CFAP54: variants seen among roughly 807,000 people sequenced by gnomAD.
CFAP54 encodes cilia- and flagella-associated protein 54.
Under a neutral mutation model 370.4 loss-of-function variants are expected in CFAP54, and 290 were observed. That is an observed-to-expected ratio of 0.78 (90% CI 0.71 to 0.86). The LOEUF is 0.86. Ranked by LOEUF, CFAP54 falls within the 40% of genes least tolerant of loss-of-function variation. The pLI, the probability that CFAP54 is intolerant of heterozygous loss-of-function variation, is 0.00. For missense variants in CFAP54, 3,399 were observed against 3,528.7 expected, an observed-to-expected ratio of 0.96 and a Z score of 0.93; for synonymous variants, 1,206 against 1,236.5, an observed-to-expected ratio of 0.98 and a Z score of 0.52.
At chr12:96,865,381 A>G (rs535774686) in intron 67 of CFAP54, among the ~76,000 whole-genome samples, 2 of 152,348 alleles carry the variant, frequency 1.3e-5, no homozygotes, top group African/African-American at 4.8e-5. Flanking sequence ...TGCAGGATAT[A>G]TGTAAGAAGA....
At chr12:96,849,784 C>G (rs1009171429) in intron 66 of CFAP54, among the ~76,000 whole-genome samples, 3 of 152,122 alleles carry the variant, frequency 2.0e-5, no homozygotes, top group African/African-American at 7.2e-5. Flanking sequence ...CTTCTTCTTA[C>G]TATTTCAGAC....
In CFAP54 at chr12:96,538,524, C is replaced by T. The variant is rs772051387; in HGVS notation, c.1926+6C>T. 1.6e-4 allele frequency: 242 copies of T among 1,534,116 alleles called. No individual in the cohort carries two copies. Among genetic ancestry groups the T allele is most frequent in the Non-Finnish European group, 2.0e-4 (234 of 1,145,664 alleles). Reference sequence around the variant, plus strand: ...AGAAAATCAGTACTAACAAAGTATTCCTTTCGCATTCCCTTTCACGTGTTT... The same window carrying T: ...AGAAAATCAGTACTAACAAAGTATTTCTTTCGCATTCCCTTTCACGTGTTT... On this transcript the variant is annotated splice_donor_region_variant and intron_variant, in intron 13 of 67. Coordinates refer to ENST00000524981, the MANE Select transcript of CFAP54 (RefSeq NM_001306084.2).
At chr12:96,780,341 T>A (rs763839129) in intron 60 of CFAP54, among the ~76,000 whole-genome samples, 41 of 152,198 alleles carry the variant, frequency 2.7e-4, no homozygotes, top group Non-Finnish European at 5.6e-4. Flanking sequence ...CAGAATCTAT[T>A]TTTGTGTATA....
chr12:96,676,123 T>C lies in CFAP54; in HGVS notation c.5564-3477T>C, dbSNP rs116275590. Among the ~76,000 whole-genome samples the C allele has an allele frequency of 4.7e-3, 713 of 152,080 alleles. 4 individuals carry two copies. The highest frequency in any genetic ancestry group is 0.016 in the African/African-American group (677 of 41,462). ...ACATGACCAGTAGTCATGATGTGAG[T>C]CTTCATCTGCTGAATGCTTACTCCA... is the stretch of plus-strand genomic sequence containing the variant. On this transcript the variant is annotated intron_variant, in intron 39 of 67. Transcript: ENST00000524981.
chr12:96,795,031 G>A (rs749565510), intron 63 of CFAP54, among the ~76,000 whole-genome samples: 10 of 152,288 alleles, frequency 6.6e-5, no homozygotes, highest in Non-Finnish European at 8.8e-5. Context: ...GGCACCCATC[G>A]AAGCTACCGG....
At chr12:96,734,819 A>AT (rs1447831601) in intron 50 of CFAP54, among the ~76,000 whole-genome samples, 1 of 152,226 alleles carries the variant, frequency 6.6e-6, no homozygotes, top group Non-Finnish European at 1.5e-5. Context: ...TCTGTGAAAT[A>AT]TTTTAATTTT....
intron 64 of CFAP54, among the ~76,000 whole-genome samples, chr12:96,817,521 C>T (rs935100621): frequency 2.0e-5 from 3 of 151,850 alleles, no homozygotes; most frequent in African/African-American, 7.3e-5. Context: ...CCCAGGTTCA[C>T]GCCATTCTCC....
intron 65 of CFAP54, among the ~76,000 whole-genome samples, chr12:96,828,377 G>A (rs1053862936): frequency 3.9e-5 from 6 of 151,912 alleles, no homozygotes; most frequent in East Asian, 1.9e-4. Flanking sequence ...TGCAGGTGGC[G>A]TGGGTTCTCA....
chr12:96,754,396 C>A (rs780122496), intron 56 of CFAP54, among the ~76,000 whole-genome samples: 21 of 152,128 alleles, frequency 1.4e-4, no homozygotes, highest in Non-Finnish European at 1.5e-4. Context: ...GGGCATTTTA[C>A]CTCTGAGAAA....
intron 26 of CFAP54, among the ~76,000 whole-genome samples, chr12:96,605,106 T>C (rs568844591): frequency 1.2e-4 from 19 of 152,376 alleles, no homozygotes; most frequent in African/African-American, 4.1e-4. Flanking sequence ...TTCAGCCATC[T>C]TGGAAGCGAC....
chr12:96,568,823 C>T (rs1013109637), intron 19 of CFAP54, among the ~76,000 whole-genome samples: 4 of 151,886 alleles, frequency 2.6e-5, no homozygotes, highest in Non-Finnish European at 4.4e-5. Context: ...TATTTCTAAT[C>T]AATTAAGATG....
At chr12:96,614,315 C>T (rs1006707262) in intron 26 of CFAP54, among the ~76,000 whole-genome samples, 9 of 152,070 alleles carry the variant, frequency 5.9e-5, no homozygotes, top group African/African-American at 2.2e-4. Flanking sequence ...ATTCAACAGC[C>T]CTTCATGCTA....
At chr12:96,723,584 C>T (rs1158155082) in intron 50 of CFAP54, among the ~76,000 whole-genome samples, 2 of 151,812 alleles carry the variant, frequency 1.3e-5, no homozygotes, top group African/African-American at 2.4e-5. Context: ...TTAGAAGATG[C>T]TTGGGAAAGA....
intron 66 of CFAP54, among the ~76,000 whole-genome samples, chr12:96,833,267 A>C (rs948864221): frequency 5.3e-5 from 8 of 152,230 alleles, no homozygotes; most frequent in African/African-American, 1.9e-4. Context: ...GGATTCAAAC[A>C]TGATGCTAAA....
Position 96,594,361 on chromosome 12 carries a change from G to A in CFAP54, c.3431G>A (p.Ser1144Asn), listed in dbSNP as rs986849167. 2 of 1,534,330 alleles carry A rather than the reference G, an allele frequency of 1.3e-6. No homozygotes were observed. The highest frequency in any genetic ancestry group is 1.4e-5 in the African/African-American group (1 of 72,982). The change falls in exon 25 of 68, where the codon AGC becomes AAC. Residue 1144 changes from serine to asparagine, a missense_variant. This residue lies in a region of CFAP54 where 2,796 missense variants were observed against 2,869.7 expected (regional missense o/e 0.97). Coordinates refer to ENST00000524981, the MANE Select transcript of CFAP54 (RefSeq NM_001306084.2). ...LELSNFLNDS[S>N]YALQAVTQCY... ...CTTAGCAACTTCCTAAATGATTCCA[G>A]CTATGCCCTTCAAGCTGTGACTCAA...
intron 55 of CFAP54, among the ~76,000 whole-genome samples, chr12:96,750,285 T>TGCAGCA (rs372696653): frequency 0.012 from 1,855 of 151,626 alleles, 54 homozygotes; most frequent in East Asian, 0.11. Context: ...ACCTGTCTCC[T>TGCAGCA]GCAGCAGCAG....
chr12:96,856,190 G>A (rs1159689575), intron 66 of CFAP54, among the ~76,000 whole-genome samples: 3 of 152,112 alleles, frequency 2.0e-5, no homozygotes, highest in African/African-American at 7.2e-5. Context: ...TCCTGGACCC[G>A]GCCCCTGAAG....
intron 66 of CFAP54, among the ~76,000 whole-genome samples, chr12:96,855,647 G>C (rs1015582811): frequency 6.6e-6 from 1 of 152,252 alleles, no homozygotes; most frequent in South Asian, 2.1e-4. Flanking sequence ...AGGGCTTGCT[G>C]ATGCAAGAGG....
intron 60 of CFAP54, among the ~76,000 whole-genome samples, chr12:96,776,315 T>TA (rs571769005): frequency 3.6e-4 from 54 of 149,548 alleles, no homozygotes; most frequent in Admixed American, 9.3e-4. Flanking sequence ...TTACTTTAGG[T>TA]AAAAAAAAAA....
Sources: allele counts gnomAD v4.1 joint callset (sites outside exome capture counted in the v4.1 genomes callset), GRCh38; gene constraint gnomAD v4.1.1; regional missense constraint gnomAD v4.1.1; transcripts MANE v1.5; gene names NCBI Gene and HGNC (gene_info 2026-07-23, HGNC 2026-07-21).